The following TMEM161B variants were observed in gnomAD, a reference collection of about 807,000 sequenced individuals.
The protein encoded by TMEM161B is transmembrane protein 161B.
Under a neutral mutation model 61.8 loss-of-function variants are expected in TMEM161B, and 34 were observed. The observed-to-expected ratio is 0.55, with a 90% CI of 0.42 to 0.73. The LOEUF is 0.73. Among genes scored for constraint, TMEM161B ranks in the 30% least tolerant of loss-of-function variants. The probability of loss-of-function intolerance (pLI) is 0.00; values close to 1 mark genes in which losing one functional copy is unlikely to be tolerated. For missense variants in TMEM161B, 456 were observed against 558.5 expected (o/e 0.82, Z 1.85); for synonymous variants, 167 against 192.8 (o/e 0.87, Z 1.11).
chr5:88,196,338 A>C lies in TMEM161B; in HGVS notation c.1337T>G (p.Leu446Ter). The C allele has an allele frequency of 6.2e-7, 1 of 1,613,432 alleles. No homozygotes were observed. Among genetic ancestry groups the C allele is most frequent in the Non-Finnish European group, 8.5e-7 (1 of 1,179,580 alleles). The change falls in exon 12 of 12, where the codon TTA (leucine) becomes TGA (stop). Residue 446 changes from leucine to a stop codon, truncating the protein, a stop_gained. Transcript: ENST00000296595. LOFTEE classifies it high-confidence loss of function. ...AAGAAGAGGAGTAAAAATATTTTTT[A>C]AGCTGCTCAGTGCCACTGTTATTTG... is the stretch of plus-strand genomic sequence containing the variant. ...VTQITVALSSLKNIFTPLLFR... is the reference protein window; with the variant it reads ...VTQITVALSS
chr5:88,213,590 T>A (rs559264278), intron 5 of TMEM161B, among the ~76,000 whole-genome samples: 3 of 152,134 alleles, frequency 2.0e-5, no homozygotes, highest in East Asian at 3.9e-4. Flanking sequence ...TTCAGAAAAA[T>A]TTTTATTTTC....
intron 1 of TMEM161B, among the ~76,000 whole-genome samples, chr5:88,249,164 CAGAA>C (rs1031424601): frequency 1.2e-4 from 18 of 152,186 alleles, no homozygotes; most frequent in Admixed American, 9.8e-4. Flanking sequence ...ATGCCCTCCA[CAGAA>C]AGAAAGCAGG....
intron 5 of TMEM161B, among the ~76,000 whole-genome samples, chr5:88,219,870 G>A (rs1748593916): frequency 6.6e-6 from 1 of 152,072 alleles, no homozygotes; most frequent in East Asian, 1.9e-4. Context: ...CCAAGGAAGA[G>A]GAAATCATGA....
intron 5 of TMEM161B, among the ~76,000 whole-genome samples, chr5:88,216,679 T>C (rs982296026): frequency 2.6e-5 from 4 of 152,220 alleles, no homozygotes; most frequent in Admixed American, 6.5e-5. Context: ...AACTGTCAAA[T>C]TATATCATAG....
At chr5:88,239,840 T>C (rs952576721) in intron 2 of TMEM161B, among the ~76,000 whole-genome samples, 13 of 152,066 alleles carry the variant, frequency 8.5e-5, no homozygotes, top group African/African-American at 3.1e-4. Context: ...ATTTGTCTTG[T>C]AGAACATGAA....
intron 2 of TMEM161B, among the ~76,000 whole-genome samples, chr5:88,236,352 G>A (rs1580599712): frequency 1.3e-5 from 2 of 152,158 alleles, no homozygotes; most frequent in Admixed American, 6.5e-5. Flanking sequence ...CTATCACAGA[G>A]AAAAAGCAGT....
At chr5:88,264,665 T>C (rs1322904215) in intron 1 of TMEM161B, among the ~76,000 whole-genome samples, 1 of 152,136 alleles carries the variant, frequency 6.6e-6, no homozygotes, top group African/African-American at 2.4e-5. Flanking sequence ...CTATTTACAA[T>C]AGCAAAGACT....
chr5:88,241,271 T>C (rs1329751483), intron 1 of TMEM161B, among the ~76,000 whole-genome samples: 4 of 151,872 alleles, frequency 2.6e-5, no homozygotes, highest in Non-Finnish European at 5.9e-5. Context: ...TCATTTTATA[T>C]AAGGGACTTG....
intron 5 of TMEM161B, among the ~76,000 whole-genome samples, chr5:88,218,669 C>G (rs1748364636): frequency 6.6e-6 from 1 of 152,070 alleles, no homozygotes; most frequent in Non-Finnish European, 1.5e-5. Context: ...GCCTAGGCAA[C>G]AGAGTGAGAC....
intron 5 of TMEM161B, among the ~76,000 whole-genome samples, chr5:88,214,693 CTTT>C (rs766262145): frequency 9.4e-4 from 143 of 152,330 alleles, no homozygotes; most frequent in Non-Finnish European, 1.6e-3. Context: ...GCAAGGGTTT[CTTT>C]ACCTTTCTCC....
chr5:88,218,716 G>A (rs1396846006), intron 5 of TMEM161B, among the ~76,000 whole-genome samples: 2 of 152,036 alleles, frequency 1.3e-5, no homozygotes, highest in African/African-American at 4.8e-5. Context: ...ATCAGAAATT[G>A]GATTGGCAGC....
At chr5:88,227,073 C>A (rs1364669395) in intron 3 of TMEM161B, among the ~76,000 whole-genome samples, 1 of 152,044 alleles carries the variant, frequency 6.6e-6, no homozygotes, top group Non-Finnish European at 1.5e-5. Flanking sequence ...CATCTGGTCT[C>A]AGCTACTCGT....
At position 88,225,811 on chromosome 5, in the gene TMEM161B, G is replaced by C. The variant is rs1749961781; in HGVS notation, c.247C>G (p.Leu83Val). 4 of 1,611,294 alleles carry C rather than the reference G, an allele frequency of 2.5e-6. No individual in the cohort carries two copies. Among genetic ancestry groups the C allele is most frequent in the Non-Finnish European group, 2.5e-6 (3 of 1,178,682 alleles). ...GTAACTGACTTTGTTTCTAGATGAAGGTCAATATCCTTTGGAATGGTTAAT... is the reference window on the plus strand; with the variant it reads ...GTAACTGACTTTGTTTCTAGATGAACGTCAATATCCTTTGGAATGGTTAAT... ...KPLTIPKDID[L>V]HLETKSVTEV... The change falls in exon 4 of 12, where the codon CTT (leucine) becomes GTT (valine). Residue 83 changes from leucine to valine, a missense_variant. Leu to Val is a conservative substitution (Grantham distance 32). Coordinates refer to ENST00000296595, the MANE Select transcript of TMEM161B (RefSeq NM_153354.5).
At chr5:88,231,617 G>A (rs951094970) in intron 2 of TMEM161B, among the ~76,000 whole-genome samples, 32 of 152,240 alleles carry the variant, frequency 2.1e-4, no homozygotes, top group African/African-American at 7.2e-4. Context: ...ATGAATTTAC[G>A]ATAAAAAATA....
chr5:88,224,773 T>G (rs1749673046), intron 4 of TMEM161B, among the ~76,000 whole-genome samples: 1 of 152,112 alleles, frequency 6.6e-6, no homozygotes. Context: ...CAACCCCTCT[T>G]CTTCCTTCTC....
chr5:88,256,982 C>T (rs1755063899), intron 1 of TMEM161B, among the ~76,000 whole-genome samples: 1 of 152,188 alleles, frequency 6.6e-6, no homozygotes, highest in Non-Finnish European at 1.5e-5. Context: ...GTTACAAATA[C>T]TTTCCTTTTA....
intron 2 of TMEM161B, among the ~76,000 whole-genome samples, chr5:88,232,583 T>A (rs1335796260): frequency 1.3e-5 from 2 of 152,188 alleles, no homozygotes; most frequent in Admixed American, 1.3e-4. Context: ...TTTCTTATTT[T>A]TTTTTTCTGA....
intron 1 of TMEM161B, among the ~76,000 whole-genome samples, chr5:88,258,487 C>T (rs527818733): frequency 7.2e-4 from 109 of 152,136 alleles, no homozygotes; most frequent in Non-Finnish European, 1.4e-3. Context: ...TAAAAACAAA[C>T]CTTTCAAGAA....
At chr5:88,187,730 T>C (rs1580263904), downstream of TMEM161B, among the ~76,000 whole-genome samples, 2 of 151,518 alleles carry the variant, frequency 1.3e-5, no homozygotes, top group South Asian at 4.2e-4. Context: ...TTGATAAGAA[T>C]ATAATCAACT....
Sources: allele counts gnomAD v4.1 joint callset (sites outside exome capture counted in the v4.1 genomes callset), GRCh38; gene constraint gnomAD v4.1.1; transcripts MANE v1.5; gene names NCBI Gene and HGNC (gene_info 2026-07-23, HGNC 2026-07-21).